DOCK11: variants seen among roughly 807,000 people sequenced by gnomAD.
DOCK11 encodes dedicator of cytokinesis protein 11.
DOCK11 carries 70 observed loss-of-function variants against 169.1 expected under a neutral mutation model. The ratio of observed to expected loss-of-function variants is 0.41; its 90% CI spans 0.34 to 0.51. The LOEUF (loss-of-function observed/expected upper bound fraction) is 0.51, where lower values mean the gene tolerates loss of function less well. Ranked by LOEUF, DOCK11 falls within the 20% of genes least tolerant of loss-of-function variation. DOCK11 has a pLI of 0.10. For synonymous variants in DOCK11, 529 were observed against 541.3 expected, an observed-to-expected ratio of 0.98 and a Z score of 0.32; for missense variants, 1,166 against 1,538.8, an observed-to-expected ratio of 0.76 and a Z score of 4.05.
intron 45 of DOCK11, among the ~76,000 whole-genome samples, chrX:118,669,779 A>G (rs927657144): frequency 1.8e-5 from 2 of 112,304 alleles, no homozygotes; most frequent in African/African-American, 6.5e-5. Context: ...GTCTAGAAAT[A>G]TGCAGTCAAA....
In DOCK11 at chrX:118,635,250, G is replaced by A. The variant is rs1319918218; in HGVS notation, c.3887-1096G>A. On this transcript the variant is annotated intron_variant, in intron 35 of 52. Transcript: ENST00000276202. The stretch of plus-strand genomic sequence containing the variant: ...CATTGAGAGGTTCTAGCTCAGTTGG[G>A]AATTAAGTCATTTGCCTGCTTTTGT... Among the ~76,000 whole-genome samples the A allele has an allele frequency of 2.7e-5, 3 of 111,753 alleles. No homozygotes were observed. The East Asian group carries it at 8.4e-4, about 31-fold the overall frequency.
At position 118,578,758 on chromosome X, in the gene DOCK11, A is replaced by G. The variant is rs140338997; in HGVS notation, c.1512+111A>G. 2.0e-4 allele frequency: 146 copies of G among 739,626 alleles called. No homozygotes were observed. The African/African-American group carries it at 2.5e-3, about 13-fold the overall frequency. 61.0% of individuals were successfully genotyped at this position (739,626 alleles called of 1,213,427 possible). On this transcript the variant is annotated intron_variant, in intron 13 of 52. Transcript: ENST00000276202. ...ATGCTATATATTCTGAAAACATTGT[A>G]TACTGTGTATGTTTGCTAAAACTTG... is the stretch of plus-strand genomic sequence containing the variant.
chrX:118,637,347 C>T (rs1603143499), intron 36 of DOCK11, among the ~76,000 whole-genome samples: 1 of 111,442 alleles, frequency 9.0e-6, no homozygotes, highest in Admixed American at 9.6e-5. Flanking sequence ...CTATGGTACT[C>T]TCCCTACTTT....
chrX:118,675,582 T>TG (rs2016589211), intron 46 of DOCK11, among the ~76,000 whole-genome samples: 1 of 91,426 alleles, frequency 1.1e-5, no homozygotes, highest in African/African-American at 4.1e-5. Flanking sequence ...TGTTGTGGGG[T>TG]GGGGGGTGAG....
intron 32 of DOCK11, among the ~76,000 whole-genome samples, chrX:118,625,215 C>T (rs770212226): frequency 2.6e-4 from 28 of 108,656 alleles, no homozygotes; most frequent in African/African-American, 8.4e-4. Flanking sequence ...AGTGCAGTGG[C>T]GTGATCTCGG....
At chrX:118,504,260 C>A (rs1031919972) in intron 1 of DOCK11, among the ~76,000 whole-genome samples, 3 of 111,391 alleles carry the variant, frequency 2.7e-5, no homozygotes, top group Non-Finnish European at 5.6e-5. Flanking sequence ...CTGTTTATGG[C>A]ATTTCCCACA....
chrX:118,569,872 C>T (rs909193031), intron 10 of DOCK11, among the ~76,000 whole-genome samples: 5 of 111,346 alleles, frequency 4.5e-5, no homozygotes, highest in African/African-American at 9.8e-5. Flanking sequence ...TCTAGTTGGA[C>T]GTGTTAGGCT....
At chrX:118,656,122 C>T (rs2016060952) in intron 44 of DOCK11, among the ~76,000 whole-genome samples, 1 of 110,354 alleles carries the variant, frequency 9.1e-6, no homozygotes, top group East Asian at 2.8e-4. Flanking sequence ...GAAACCCCAT[C>T]TCTACAAAAA....
chrX:118,545,958 A>G lies in DOCK11; in HGVS notation c.463-63A>G, dbSNP rs1237156646. On this transcript the variant is annotated intron_variant, in intron 5 of 52. Coordinates refer to ENST00000276202, the MANE Select transcript of DOCK11 (RefSeq NM_144658.4). ...GCAGGGCCTCATTCTGTGCCCCTAA[A>G]TGTTTCGCTAATTAGATGGCAGGCT... The G allele has an allele frequency of 3.7e-6, 3 of 800,661 alleles. No individual in the cohort carries two copies. The African/African-American group carries it at 6.2e-5, about 17-fold the overall frequency. The allele number at this position is 800,661 out of a possible 1,213,427, so 66.0% of individuals were successfully genotyped here.
At chrX:118,523,811 C>T (rs753627721) in intron 1 of DOCK11, among the ~76,000 whole-genome samples, 1 of 111,319 alleles carries the variant, frequency 9.0e-6, no homozygotes, top group South Asian at 3.8e-4. Flanking sequence ...ATAGTTGGTT[C>T]GAAGGCCCAT....
Position 118,526,190 on chromosome X carries a change from C to T in DOCK11, c.103-16535C>T, listed in dbSNP as rs150451549. On this transcript the variant is annotated intron_variant, in intron 1 of 52. Transcript: ENST00000276202. The stretch of plus-strand genomic sequence containing the variant: ...AGCAGGTCTGGCTTCCAGCTCCAGT[C>T]GTATGAAAGATATGAGCCAGGGCTT... Among the ~76,000 whole-genome samples the T allele has an allele frequency of 9.5e-4, 107 of 112,058 alleles. 1 individual carries two copies. In the East Asian group the frequency reaches 0.028, roughly 29 times the overall value.
chrX:118,585,914 G>A (rs935380792), intron 16 of DOCK11, among the ~76,000 whole-genome samples: 4 of 112,212 alleles, frequency 3.6e-5, no homozygotes, highest in African/African-American at 6.5e-5. Flanking sequence ...TTCAATCTTA[G>A]TAATAATGCC....
chrX:118,602,546 CT>C (rs112183310), intron 23 of DOCK11, among the ~76,000 whole-genome samples: 6,663 of 103,654 alleles, frequency 0.064, 185 homozygotes, highest in Non-Finnish European at 0.083. Flanking sequence ...GGGCTCCTGT[CT>C]TTTTTTTTTT....
chrX:118,611,267 C>T (rs1301585797), intron 28 of DOCK11, among the ~76,000 whole-genome samples: 1 of 112,194 alleles, frequency 8.9e-6, no homozygotes, highest in Non-Finnish European at 1.9e-5. Context: ...TTTTAGCTTA[C>T]CTGATCACAA....
At chrX:118,562,236 G>A (rs1410673194) in intron 7 of DOCK11, among the ~76,000 whole-genome samples, 6 of 107,412 alleles carry the variant, frequency 5.6e-5, no homozygotes, top group Admixed American at 3.9e-4. Context: ...TCCGTCCTCC[G>A]AAACATCTAC....
chrX:118,595,370 C>T (rs2014128537), intron 20 of DOCK11, among the ~76,000 whole-genome samples: 1 of 111,450 alleles, frequency 9.0e-6, no homozygotes, highest in Admixed American at 9.5e-5. Context: ...TTGCCAATAG[C>T]AAAACTGTGG....
intron 1 of DOCK11, among the ~76,000 whole-genome samples, chrX:118,511,402 AT>A (rs893783371): frequency 1.7e-4 from 19 of 112,029 alleles, no homozygotes; most frequent in African/African-American, 4.2e-4. Flanking sequence ...ATGTTAAACC[AT>A]TTTTTGAAAG....
intron 1 of DOCK11, among the ~76,000 whole-genome samples, chrX:118,521,983 A>C (rs940596526): frequency 2.2e-4 from 25 of 112,152 alleles, no homozygotes; most frequent in Non-Finnish European, 4.7e-4. Context: ...AAAGCATTGA[A>C]AATGTTTGGG....
intron 1 of DOCK11, among the ~76,000 whole-genome samples, chrX:118,535,696 A>C (rs1847540138): frequency 8.9e-6 from 1 of 111,977 alleles, no homozygotes; most frequent in African/African-American, 3.2e-5. Flanking sequence ...CTTTTCCCTT[A>C]GCCGTTTACT....
Sources: allele counts gnomAD v4.1 joint callset (sites outside exome capture counted in the v4.1 genomes callset), GRCh38; gene constraint gnomAD v4.1.1; transcripts MANE v1.5; gene names NCBI Gene and HGNC (gene_info 2026-07-23, HGNC 2026-07-21).